Variants in RAB31 observed in about 807,000 individuals in gnomAD.
The protein encoded by RAB31 is ras-related protein Rab-31.
RAB31 carries 21 observed loss-of-function variants against 25.6 expected under a neutral mutation model. The observed-to-expected ratio is 0.82, with a 90% confidence interval of 0.58 to 1.18. The LOEUF (loss-of-function observed/expected upper bound fraction) is 1.18, where lower values mean the gene tolerates loss of function less well. RAB31 is among the 50% of genes most tolerant of loss of function. The pLI, the probability that RAB31 is intolerant of heterozygous loss-of-function variation, is 0.00. For missense variants in RAB31, 196 were observed against 250.1 expected (o/e 0.78, Z 1.46); for synonymous variants, 87 against 84.0 (o/e 1.04, Z -0.20).
chr18:9,832,018 G>T (rs981201423), intron 5 of RAB31, among the ~76,000 whole-genome samples: 25 of 152,330 alleles, frequency 1.6e-4, no homozygotes, highest in African/African-American at 6.0e-4. Flanking sequence ...CCTGTGGACG[G>T]CAGTGCTAGT....
intron 1 of RAB31, among the ~76,000 whole-genome samples, chr18:9,748,840 G>A (rs1334053312): frequency 2.0e-5 from 3 of 149,666 alleles, no homozygotes; most frequent in Non-Finnish European, 4.5e-5. Flanking sequence ...GCAGTGAGCC[G>A]AGATTGCACC....
intron 5 of RAB31, among the ~76,000 whole-genome samples, chr18:9,821,969 T>G (rs894985275): frequency 6.6e-6 from 1 of 152,128 alleles, no homozygotes; most frequent in Admixed American, 6.5e-5. Flanking sequence ...TATTCTAAAA[T>G]TTATATGGAA....
At chr18:9,744,989 A>C (rs1296307703) in intron 1 of RAB31, among the ~76,000 whole-genome samples, 1 of 152,210 alleles carries the variant, frequency 6.6e-6, no homozygotes, top group African/African-American at 2.4e-5. Context: ...AGAGAATAGA[A>C]AAATAATAGG....
At chr18:9,735,553 G>T (rs1233956419) in intron 1 of RAB31, 2 of 193,208 alleles carry the variant, frequency 1.0e-5, no homozygotes, top group Non-Finnish European at 2.2e-5. Context: ...GGCCATGGCC[G>T]TGGCTCGTGT....
At chr18:9,784,244 T>G (rs961501364) in intron 2 of RAB31, among the ~76,000 whole-genome samples, 2 of 151,900 alleles carry the variant, frequency 1.3e-5, no homozygotes, top group Non-Finnish European at 2.9e-5. Context: ...CTTGCTATGT[T>G]GCCAAGGCTG....
At chr18:9,739,835 C>T (rs143539332) in intron 1 of RAB31, among the ~76,000 whole-genome samples, 124 of 152,342 alleles carry the variant, frequency 8.1e-4, no homozygotes, top group African/African-American at 2.8e-3. Context: ...AAAATGTCAT[C>T]GTTAGCTGGG....
At chr18:9,758,912 T>C (rs150131201) in intron 1 of RAB31, among the ~76,000 whole-genome samples, 1 of 152,246 alleles carries the variant, frequency 6.6e-6, no homozygotes, top group Non-Finnish European at 1.5e-5. Flanking sequence ...CAAGACAGTG[T>C]AACTGACGAC....
At chr18:9,751,933 G>T (rs777231596) in intron 1 of RAB31, among the ~76,000 whole-genome samples, 20 of 152,160 alleles carry the variant, frequency 1.3e-4, no homozygotes, top group Non-Finnish European at 2.6e-4. Context: ...CAACCCAAAG[G>T]CAGGAACACA....
At chr18:9,844,566 C>A (rs1472365215) in intron 5 of RAB31, among the ~76,000 whole-genome samples, 1 of 152,180 alleles carries the variant, frequency 6.6e-6, no homozygotes, top group Admixed American at 6.5e-5. Flanking sequence ...CCTGGATGAG[C>A]CCTGTTTGTC....
chr18:9,795,003 CA>C (rs781145895), intron 3 of RAB31, among the ~76,000 whole-genome samples: 2 of 152,104 alleles, frequency 1.3e-5, no homozygotes, highest in African/African-American at 2.4e-5. Context: ...ACTATAAGGG[CA>C]TAGTCATCAA....
rs545127351 is a variant in RAB31 at position 9,810,394 on chromosome 18, C to T, written c.202-3626C>T. Among the ~76,000 whole-genome samples, 37 of 152,204 alleles carry T rather than the reference C, an allele frequency of 2.4e-4. No homozygotes were observed. The South Asian group carries it at 7.7e-3, about 32-fold the overall frequency. ...ACTGAGGCTGATTGTGGTGCTTTTG[C>T]TTTCTATTTGTAAGGGGGAAAAGCA... On this transcript the variant is annotated intron_variant, in intron 3 of 6. Transcript: ENST00000578921.
At position 9,708,445 on chromosome 18, in the gene RAB31, G is replaced by T. The variant is rs947110122; in HGVS notation, c.39+1G>T. On this transcript the variant is annotated splice_donor_variant, in intron 1 of 6. Transcript: ENST00000578921. LOFTEE classifies it high-confidence loss of function. The surrounding 1 kb of genome is among the most constrained non-coding windows in gnomAD (Gnocchi z 6.4). ...GGAGCTCAAAGTGTGCCTTCTCGGG[G>T]TGAGTCCTGGCCGCCACCCGCCGGC... The T allele has an allele frequency of 6.4e-7, 1 of 1,568,510 alleles. No individual in the cohort carries two copies. The highest frequency in any genetic ancestry group is 1.8e-5 in the Admixed American group (1 of 54,870).
intron 1 of RAB31, among the ~76,000 whole-genome samples, chr18:9,760,910 C>T (rs866614936): frequency 2.0e-5 from 3 of 152,138 alleles, no homozygotes; most frequent in Admixed American, 6.6e-5. Flanking sequence ...AATGACATAA[C>T]GCTTCACAGG....
intron 1 of RAB31, among the ~76,000 whole-genome samples, chr18:9,738,112 C>A (rs1041062686): frequency 1.3e-5 from 2 of 152,194 alleles, no homozygotes; most frequent in Non-Finnish European, 2.9e-5. Flanking sequence ...AGCCCTGGTT[C>A]CAATGACTTA....
chr18:9,843,278 T>C (rs936439400), intron 5 of RAB31, among the ~76,000 whole-genome samples: 2 of 152,040 alleles, frequency 1.3e-5, no homozygotes, highest in African/African-American at 4.8e-5. Flanking sequence ...GGCGCAGTGG[T>C]GCAAGCCTGT....
intron 2 of RAB31, among the ~76,000 whole-genome samples, chr18:9,782,844 G>A (rs1465704180): frequency 1.3e-5 from 2 of 152,110 alleles, no homozygotes; most frequent in Admixed American, 6.5e-5. Context: ...CCACAGGTGT[G>A]AGCCACCACA....
intron 5 of RAB31, among the ~76,000 whole-genome samples, chr18:9,836,600 G>A (rs974784736): frequency 1.2e-4 from 19 of 152,324 alleles, no homozygotes; most frequent in African/African-American, 2.2e-4. Context: ...GAACTGCTGG[G>A]AAGCTTGCTA....
At chr18:9,806,896 A>T (rs1408311194) in intron 3 of RAB31, among the ~76,000 whole-genome samples, 1 of 152,212 alleles carries the variant, frequency 6.6e-6, no homozygotes, top group Non-Finnish European at 1.5e-5. Context: ...ATGCTTGAAA[A>T]TTTCCACAGT....
rs907006152 is a variant in RAB31, at chr18:9,714,759, C to T, written c.39+6315C>T. On this transcript the variant is annotated intron_variant, in intron 1 of 6. Transcript: ENST00000578921. ...TTATGCTGGGAGCTGTGGGTGGCTG[C>T]ATGTAGACAGGATGGCAGTGATTGT... 1.1e-4 allele frequency among the ~76,000 whole-genome samples: 16 copies of T among 152,306 alleles called. 1 individual carries two copies. The South Asian group carries it at 3.3e-3, about 32-fold the overall frequency.
Sources: gnomAD v4.1 joint callset for allele counts (sites outside exome capture counted in the v4.1 genomes callset) on GRCh38, gnomAD v4.1.1 for gene constraint, Gnocchi (gnomAD v3.1) non-coding constraint, MANE v1.5 for transcripts, NCBI Gene and HGNC (gene_info 2026-07-23, HGNC 2026-07-21) for gene names.